CALHM2: variants seen among roughly 807,000 people sequenced by gnomAD.
CALHM2 encodes calcium homeostasis modulator protein 2.
In CALHM2, 18 loss-of-function variants were observed where a neutral mutation model predicts 20.4. The observed-to-expected ratio is 0.88, with a 90% CI of 0.61 to 1.31. The LOEUF (loss-of-function observed/expected upper bound fraction) is 1.31. Ranked by LOEUF, CALHM2 falls within the 50% of genes most tolerant of loss-of-function variation. The pLI is 0.00. For missense variants in CALHM2, 411 were observed against 435.7 expected (o/e 0.94, Z 0.50); for synonymous variants, 193 against 192.1 (o/e 1.00, Z -0.04).
rs146181513 is a variant in CALHM2 at position 103,447,492 on chromosome 10, G to C, written c.632C>G (p.Pro211Arg). ...GTAGGCCTCCTGGCGGTAGCTGAGT[G>C]GTGAGCAGTAATGCTTGAGGCACTT... Reference protein sequence around the residue: ...LTKCLKHYCSPLSYRQEAYWA... With the variant: ...LTKCLKHYCSRLSYRQEAYWA... Residue 211 changes from proline to arginine, a missense_variant, in exon 4 of 4, where the codon CCA becomes CGA. Pro to Arg is a moderately radical substitution (Grantham distance 103). Transcript: ENST00000260743. The C allele has an allele frequency of 6.2e-7, 1 of 1,613,800 alleles. No individual in the cohort carries two copies. The highest frequency in any genetic ancestry group is 8.5e-7 in the Non-Finnish European group (1 of 1,179,776).
chr10:103,448,730 A>G (rs1485225637), intron 3 of CALHM2, among the ~76,000 whole-genome samples: 4 of 151,858 alleles, frequency 2.6e-5, no homozygotes. Flanking sequence ...CAAAAAAAAA[A>G]AAAGAAAAAA....
At chr10:103,447,773 C>T (rs926849016) in intron 3 of CALHM2, among the ~76,000 whole-genome samples, 2 of 152,208 alleles carry the variant, frequency 1.3e-5, no homozygotes, top group Non-Finnish European at 2.9e-5. Flanking sequence ...CCCCTGCAAA[C>T]TTAAGAGCAC....
intron 3 of CALHM2, among the ~76,000 whole-genome samples, chr10:103,448,754 C>T (rs990706119): frequency 1.6e-4 from 25 of 152,050 alleles, no homozygotes; most frequent in Non-Finnish European, 2.8e-4. Flanking sequence ...AAAACTTGTT[C>T]TCCTTCCTGT....
chr10:103,450,472 T>C lies in CALHM2; in HGVS notation c.-158-373A>G, dbSNP rs539583161. On this transcript the variant is annotated intron_variant, in intron 2 of 3. Coordinates refer to ENST00000260743, the MANE Select transcript of CALHM2 (RefSeq NM_015916.5). ...GGGGGTGGCCCATGGTGCTAATGCA[T>C]GTGGGGTGCTGACCGGCTTTCCCTC... The C allele has an allele frequency of 8.5e-4, 140 of 164,016 alleles. 1 individual carries two copies. The South Asian group carries it at 0.02, about 23-fold the overall frequency. The allele number at this position is 164,016 out of a possible 1,614,324, so 10.2% of individuals were successfully genotyped here.
chr10:103,447,341 C>T lies in CALHM2; in HGVS notation c.783G>A (p.Glu261=), dbSNP rs373034255. 2 of 1,614,262 alleles carry T rather than the reference C, an allele frequency of 1.2e-6. No individual in the cohort carries two copies. The highest frequency in any genetic ancestry group is 1.1e-5 in the South Asian group (1 of 91,090). ...CCACTGGGAAGTTGGCAATCAGTTC[C>T]TCATCATCCTTGTTGAGCGCCACAA... ...FGFVALNKDD[E]ELIANFPVEG... The change falls in exon 4 of 4, where the codon GAG becomes GAA. Residue 261 remains glutamate, a synonymous_variant. Transcript: ENST00000260743.
Position 103,447,045 on chromosome 10 carries a change from AGAT to A in CALHM2, c.*104_*106del, listed in dbSNP as rs2032664226. On this transcript the variant is annotated 3_prime_UTR_variant, in exon 4 of 4. Coordinates refer to ENST00000260743, the MANE Select transcript of CALHM2 (RefSeq NM_015916.5). ...TTGTGGTCCTTTCCCCTGGCCAAGA[AGAT>A]AACAGTTTTTTAAAAATCCCCTTCT... is the stretch of plus-strand genomic sequence containing the variant. 1 of 1,231,734 alleles carries A rather than the reference AGAT, an allele frequency of 8.1e-7. No individual in the cohort carries two copies. Among genetic ancestry groups the A allele is most frequent in the African/African-American group, 1.5e-5 (1 of 66,398 alleles). The allele number at this position is 1,231,734 out of a possible 1,614,324, so 76.3% of individuals were successfully genotyped here.
chr10:103,450,301 G>A (rs2032917921), intron 2 of CALHM2: 2 of 241,364 alleles, frequency 8.3e-6, no homozygotes, highest in South Asian at 8.6e-5. Flanking sequence ...TGTGCCCGCC[G>A]TGCACTAGGG....
At position 103,447,551 on chromosome 10, in the gene CALHM2, G is replaced by A. The variant is rs199853286; in HGVS notation, c.573C>T (p.Leu191=). The A allele has an allele frequency of 7.7e-5, 123 of 1,596,312 alleles. No homozygotes were observed. The highest frequency in any genetic ancestry group is 9.6e-5 in the Non-Finnish European group (112 of 1,168,904). Residue 191 remains leucine (L), a synonymous_variant, in exon 4 of 4, where the codon CTC becomes CTT. Transcript: ENST00000260743. ...RYESQLFGWL[L]IGVVAILVFL... ...ACACCAGGATGGCCACCACGCCGAT[G>A]AGCAGCCATCCAAAGAGCTGGCCAG...
intron 1 of CALHM2, chr10:103,451,913 AGGCCATCTTCT>A (rs1219276109): frequency 6.6e-6 from 1 of 152,410 alleles, no homozygotes; most frequent in Non-Finnish European, 1.5e-5. Context: ...AGGATGGGCC[AGGCCATCTTCT>A]GAGACCACTG....
chr10:103,451,391 T>A (rs2032977532), intron 1 of CALHM2, 106 bp from the exon 2 acceptor site: 1 of 152,464 alleles, frequency 6.6e-6, no homozygotes, highest in African/African-American at 2.4e-5. Context: ...TGTGGCCCCA[T>A]GTCCTCCCCC....
chr10:103,448,140 TTTTC>T (rs1471837677), intron 3 of CALHM2, among the ~76,000 whole-genome samples: 17 of 152,038 alleles, frequency 1.1e-4, no homozygotes, highest in African/African-American at 4.1e-4. Context: ...TCTTTTTCTT[TTTTC>T]TTTGTCTTTT....
At position 103,447,437 on chromosome 10, in the gene CALHM2, C is replaced by G. The variant is rs143953619; in HGVS notation, c.687G>C (p.Gln229His). The change falls in exon 4 of 4, where the codon CAG becomes CAC. Residue 229 changes from glutamine (Q) to histidine (H), a missense_variant. Transcript: ENST00000260743. ...YWAQYRANED[Q>H]LFQRTAEVHS... ...GCACCTCGGCCGTGCGCTGGAACAG[C>G]TGGTCCTCATTGGCGCGGTACTGCG... The G allele has an allele frequency of 1.9e-6, 3 of 1,614,214 alleles. No homozygotes were observed. The highest frequency in any genetic ancestry group is 1.1e-5 in the South Asian group (1 of 91,090).
At chr10:103,450,281 C>A (rs922925439) in intron 2 of CALHM2, 182 bp from the exon 3 acceptor site, 9 of 307,130 alleles carry the variant, frequency 2.9e-5, no homozygotes, top group African/African-American at 1.9e-4. Flanking sequence ...CACAGTCCCA[C>A]GTTGAGCTGT....
Position 103,447,407 on chromosome 10 carries a change from A to G in CALHM2, c.717T>C (p.Ser239=). 2 of 1,614,184 alleles carry G rather than the reference A, an allele frequency of 1.2e-6. No individual in the cohort carries two copies. Among genetic ancestry groups the G allele is most frequent in the Non-Finnish European group, 1.7e-6 (2 of 1,180,006 alleles). Residue 239 remains serine (S), a synonymous_variant, in exon 4 of 4, where the codon TCT becomes TCC. Coordinates refer to ENST00000260743, the MANE Select transcript of CALHM2 (RefSeq NM_015916.5). ...GCACATTGTTGGCAGCGAGCACCCGAGAGTGCACCTCGGCCGTGCGCTGGA... is the reference window on the plus strand; with the variant it reads ...GCACATTGTTGGCAGCGAGCACCCGGGAGTGCACCTCGGCCGTGCGCTGGA... The part of the protein sequence containing the change: ...QLFQRTAEVH[S]RVLAANNVRR...
rs2032649108 is a variant in CALHM2, at chr10:103,446,791, T to A, written c.*361A>T. The A allele has an allele frequency of 1.2e-5, 2 of 168,736 alleles. No individual in the cohort carries two copies. The highest frequency in any genetic ancestry group is 2.5e-5 in the Non-Finnish European group (2 of 79,286). The allele number at this position is 168,736 out of a possible 1,614,324, so 10.5% of individuals were successfully genotyped here. On this transcript the variant is annotated 3_prime_UTR_variant, in exon 4 of 4. Transcript: ENST00000260743. ...TCACACAGACACCAGGCTAGTCCTT[T>A]TAGTAAGAAAAACTTTATCAAAAAT...
In CALHM2 at chr10:103,450,098, T is replaced by C. The variant is rs1288592407; in HGVS notation, c.-157A>G. The C allele has an allele frequency of 3.1e-6, 2 of 651,054 alleles. No individual in the cohort carries two copies. Among genetic ancestry groups the C allele is most frequent in the East Asian group, 5.4e-5 (2 of 36,958 alleles). 40.3% of individuals were successfully genotyped at this position (651,054 alleles called of 1,614,324 possible). The stretch of plus-strand genomic sequence containing the variant: ...CCCCAGCTGTGGTTGGCCTGGTGTT[T>C]CCTGTGGAGCAGATGACCGATAAGT... On this transcript the variant is annotated splice_region_variant and 5_prime_UTR_variant, in exon 3 of 4. Coordinates refer to ENST00000260743, the MANE Select transcript of CALHM2 (RefSeq NM_015916.5).
At chr10:103,450,189 A>G in intron 2 of CALHM2, 90 bp from the exon 3 acceptor site, 1 of 548,338 alleles carries the variant, frequency 1.8e-6, no homozygotes, top group Non-Finnish European at 3.3e-6. Flanking sequence ...GAAAGGAAGG[A>G]CCATAGGGCC....
chr10:103,447,498 C>T lies in CALHM2; in HGVS notation c.626G>A (p.Cys209Tyr). The T allele has an allele frequency of 6.2e-7, 1 of 1,613,230 alleles. No individual in the cohort carries two copies. Among genetic ancestry groups the T allele is most frequent in the Non-Finnish European group, 8.5e-7 (1 of 1,179,436 alleles). Residue 209 changes from cysteine to tyrosine, a missense_variant, in exon 4 of 4, where the codon TGC becomes TAC. Cys to Tyr is a radical substitution (Grantham distance 194). Transcript: ENST00000260743. Reference protein sequence around the residue: ...VFLTKCLKHYCSPLSYRQEAY... With the variant: ...VFLTKCLKHYYSPLSYRQEAY... ...CTCCTGGCGGTAGCTGAGTGGTGAG[C>T]AGTAATGCTTGAGGCACTTGGTCAG...
At chr10:103,450,317 GA>G in intron 2 of CALHM2, 1 of 220,646 alleles carries the variant, frequency 4.5e-6, no homozygotes. Flanking sequence ...TAGGGAAAGT[GA>G]AGGCTTCCTG....
Sources: allele counts gnomAD v4.1 joint callset (sites outside exome capture counted in the v4.1 genomes callset), GRCh38; gene constraint gnomAD v4.1.1; transcripts MANE v1.5; gene names NCBI Gene and HGNC (gene_info 2026-07-23, HGNC 2026-07-21).